The following GABRA4 variants were observed in gnomAD, a reference collection of about 807,000 sequenced individuals.
GABRA4 encodes gamma-aminobutyric acid type A receptor subunit alpha4, also known as gamma-aminobutyric acid receptor subunit alpha-4.
In GABRA4, 12 loss-of-function variants were observed where a neutral mutation model predicts 49.7. The ratio of observed to expected loss-of-function variants is 0.24; its 90% CI spans 0.15 to 0.39. The LOEUF (loss-of-function observed/expected upper bound fraction) is 0.39, where lower values mean the gene tolerates loss of function less well. Ranked by LOEUF, GABRA4 falls within the 10% of genes least tolerant of loss-of-function variation. The pLI is 1.00. For missense variants in GABRA4, 506 were observed against 686.0 expected (o/e 0.74, Z 2.93); for synonymous variants, 288 against 240.2 (o/e 1.20, Z -1.84).
At chr4:46,978,923 T>A (rs997422082) in intron 3 of GABRA4, 108 bp downstream of exon 3, 2 of 737,968 alleles carry the variant, frequency 2.7e-6, no homozygotes, top group Non-Finnish European at 4.8e-6. Flanking sequence ...AGGGATTCTT[T>A]AGGTTTCTGG....
At chr4:46,957,228 G>A (rs905931342) in intron 8 of GABRA4, among the ~76,000 whole-genome samples, 3 of 151,532 alleles carry the variant, frequency 2.0e-5, no homozygotes, top group Non-Finnish European at 4.4e-5. Flanking sequence ...AGCTCGGTCA[G>A]AATGAGCCCC....
chr4:46,945,374 GC>G (rs1314678058), intron 8 of GABRA4, among the ~76,000 whole-genome samples: 3 of 152,080 alleles, frequency 2.0e-5, no homozygotes, highest in Non-Finnish European at 4.4e-5. Context: ...AAGGCATGAG[GC>G]CCATGGACAC....
intron 8 of GABRA4, among the ~76,000 whole-genome samples, chr4:46,948,485 A>G (rs1722058097): frequency 6.6e-6 from 1 of 152,102 alleles, no homozygotes; most frequent in African/African-American, 2.4e-5. Context: ...AGAGTAGATG[A>G]TTGTGCTCAC....
intron 2 of GABRA4, among the ~76,000 whole-genome samples, chr4:46,986,411 CCTTTCTTTATTTTTT>C (rs1254286045): frequency 6.6e-6 from 1 of 151,974 alleles, no homozygotes; most frequent in Non-Finnish European, 1.5e-5. Context: ...AACCCCTCCT[CCTTTCTTTATTTTTT>C]CTTTCTTTAT....
intron 8 of GABRA4, among the ~76,000 whole-genome samples, chr4:46,959,903 A>G (rs1722512481): frequency 6.6e-6 from 1 of 150,546 alleles, no homozygotes; most frequent in Non-Finnish European, 1.5e-5. Context: ...ACCTACAGCA[A>G]TCCTGGCATT....
At chr4:46,978,234 T>C (rs557580175) in intron 3 of GABRA4, among the ~76,000 whole-genome samples, 1 of 152,146 alleles carries the variant, frequency 6.6e-6, no homozygotes, top group East Asian at 1.9e-4. Context: ...TTCTAAGCTC[T>C]TAAACATGAG....
In GABRA4 at chr4:46,964,993, T is replaced by C; in HGVS notation, c.1111A>G (p.Lys371Glu). Residue 371 changes from lysine (K) to glutamate (E), a missense_variant, in exon 8 of 9, where the codon AAG becomes GAG. Physicochemically the swap from Lys to Glu is moderately conservative, Grantham distance 56 (BLOSUM62 1). Around this residue, in one of 5 missense-constraint regions of GABRA4, gnomAD observed 243 missense variants for 210.8 expected, o/e 1.15. Transcript: ENST00000264318. Reference protein sequence around the residue: ...EVPAAPVQREKHPEAPLQNTN... With the variant: ...EVPAAPVQREEHPEAPLQNTN... ...ACCTGCAGAGGGGCTTCAGGATGCT[T>C]CTCTCTCTGCACTGGAGCAGCGGGA... 6.2e-7 allele frequency: 1 copy of C among 1,607,710 alleles called. No individual in the cohort carries two copies. Among genetic ancestry groups the C allele is most frequent in the Non-Finnish European group, 8.5e-7 (1 of 1,176,524 alleles).
intron 8 of GABRA4, among the ~76,000 whole-genome samples, chr4:46,939,766 T>C (rs1356315611): frequency 6.6e-6 from 1 of 152,036 alleles, no homozygotes; most frequent in African/African-American, 2.4e-5. Flanking sequence ...CTAACTTTTT[T>C]TGTATCTCAC....
chr4:46,941,459 C>A (rs553020960), intron 8 of GABRA4, among the ~76,000 whole-genome samples: 2 of 152,030 alleles, frequency 1.3e-5, no homozygotes, highest in African/African-American at 4.8e-5. Context: ...TGGTAATTTC[C>A]ATAAAGTGCT....
In GABRA4 at chr4:46,983,308, A is replaced by G. The variant is rs548398747; in HGVS notation, c.206-4210T>C. On this transcript the variant is annotated intron_variant, in intron 2 of 8. Transcript: ENST00000264318. ...TCATTAGTTTCTGAAGTATTTTCTC[A>G]AAGCGCTTTTCATGCCTTTACTATT... is the stretch of plus-strand genomic sequence containing the variant. 8.5e-4 allele frequency among the ~76,000 whole-genome samples: 129 copies of G among 152,180 alleles called. 1 individual carries two copies. Among genetic ancestry groups the G allele is most frequent in the South Asian group, 2.9e-3 (14 of 4,824 alleles).
At chr4:46,974,548 A>T (rs1346302343) in intron 5 of GABRA4, among the ~76,000 whole-genome samples, 173 bp from the exon 6 acceptor site, 3 of 151,962 alleles carry the variant, frequency 2.0e-5, no homozygotes, top group East Asian at 1.9e-4. Context: ...CATCTTTAAG[A>T]TTTAGAAAAC....
At chr4:46,987,412 G>A (rs988142549) in intron 2 of GABRA4, among the ~76,000 whole-genome samples, 12 of 152,172 alleles carry the variant, frequency 7.9e-5, no homozygotes, top group African/African-American at 2.9e-4. Flanking sequence ...CTCTATAGCT[G>A]TTAACCAACA....
chr4:46,928,360 A>ACATC lies in GABRA4; in HGVS notation c.1529_1530insGATG (p.Ser511MetfsTer8). The ACATC allele has an allele frequency of 6.2e-7, 1 of 1,613,694 alleles. No individual in the cohort carries two copies. Among genetic ancestry groups the ACATC allele is most frequent in the Non-Finnish European group, 8.5e-7 (1 of 1,179,698 alleles). Reference sequence around the variant, plus strand: ...CTATTTTACTTGTGCCAGATCCAGAAGGTGGTGGAGCCGATGGAGGAGGAG... The same window carrying ACATC: ...CTATTTTACTTGTGCCAGATCCAGAACATCGGTGGTGGAGCCGATGGAGGAGGAG... On this transcript the variant is annotated frameshift_variant, in exon 9 of 9. Coordinates refer to ENST00000264318, the MANE Select transcript of GABRA4 (RefSeq NM_000809.4). LOFTEE classifies it high-confidence loss of function.
At chr4:46,968,037 T>G (rs1251329312) in intron 7 of GABRA4, among the ~76,000 whole-genome samples, 1 of 151,660 alleles carries the variant, frequency 6.6e-6, no homozygotes, top group East Asian at 1.9e-4. Flanking sequence ...ACACTGATTT[T>G]TTTTGCTTTG....
chr4:46,983,727 A>C (rs1723437133), intron 2 of GABRA4, among the ~76,000 whole-genome samples: 1 of 152,086 alleles, frequency 6.6e-6, no homozygotes, highest in Admixed American at 6.6e-5. Context: ...AGGATGTTCA[A>C]ATCAAACTTA....
intron 8 of GABRA4, among the ~76,000 whole-genome samples, chr4:46,964,756 G>C (rs1247091870): frequency 6.6e-6 from 1 of 151,692 alleles, no homozygotes; most frequent in African/African-American, 2.4e-5. Flanking sequence ...AATTAGCTTC[G>C]CCTACATCTA....
At chr4:46,989,282 T>C (rs780839536) in intron 2 of GABRA4, among the ~76,000 whole-genome samples, 12 of 152,208 alleles carry the variant, frequency 7.9e-5, no homozygotes, top group Admixed American at 1.3e-4. Flanking sequence ...TATGTAACAG[T>C]GTTACAGTGT....
At chr4:46,955,470 TA>T (rs1722306065) in intron 8 of GABRA4, among the ~76,000 whole-genome samples, 1 of 152,140 alleles carries the variant, frequency 6.6e-6, no homozygotes, top group South Asian at 2.1e-4. Flanking sequence ...TTTTGAATGG[TA>T]ATACTTAATT....
Position 46,977,530 on chromosome 4 carries a change from G to A in GABRA4, c.374C>T (p.Thr125Met), listed in dbSNP as rs1394753567. 5 of 1,612,058 alleles carry A rather than the reference G, an allele frequency of 3.1e-6. No individual in the cohort carries two copies. The highest frequency in any genetic ancestry group is 2.2e-5 in the East Asian group (1 of 44,786). ...GAAAGTATCAGGGGTCCACACTTTC[G>A]TTACCATCATATTGTTCAATCTCAA... Reference protein sequence around the residue: ...EILRLNNMMVTKVWTPDTFFR... With the variant: ...EILRLNNMMVMKVWTPDTFFR... The change falls in exon 4 of 9, where the codon ACG becomes ATG. Residue 125 changes from threonine to methionine, a missense_variant. Physicochemically the swap from Thr to Met is moderately conservative, Grantham distance 81. This residue lies in a region of GABRA4 where 195 missense variants were observed against 326.0 expected (regional missense o/e 0.60). Coordinates refer to ENST00000264318, the MANE Select transcript of GABRA4 (RefSeq NM_000809.4).
Sources: allele counts gnomAD v4.1 joint callset (sites outside exome capture counted in the v4.1 genomes callset), GRCh38; gene constraint gnomAD v4.1.1; regional missense constraint gnomAD v4.1.1; transcripts MANE v1.5; gene names NCBI Gene and HGNC (gene_info 2026-07-23, HGNC 2026-07-21).